Variants in ADAMTS17 observed in about 807,000 individuals in gnomAD.
ADAMTS17 encodes ADAM metallopeptidase with thrombospondin type 1 motif 17.
In ADAMTS17, 113 loss-of-function variants were observed where a neutral mutation model predicts 141.5. The observed-to-expected ratio is 0.80, with a 90% CI of 0.69 to 0.93. ADAMTS17 has a LOEUF of 0.93. ADAMTS17 is among the 40% of genes least tolerant of loss of function. The probability of loss-of-function intolerance (pLI) is 0.00; values close to 1 mark genes in which losing one functional copy is unlikely to be tolerated. For missense variants in ADAMTS17, 1,659 were observed against 1,517.9 expected (o/e 1.09, Z -1.54); for synonymous variants, 768 against 630.6 (o/e 1.22, Z -3.27).
At chr15:100,078,935 T>C (rs1399876635) in intron 15 of ADAMTS17, among the ~76,000 whole-genome samples, 1 of 152,188 alleles carries the variant, frequency 6.6e-6, no homozygotes, top group African/African-American at 2.4e-5. Context: ...AAAAAAGATA[T>C]ATGAACAATC....
chr15:100,104,076 T>G (rs1366185168), intron 14 of ADAMTS17, among the ~76,000 whole-genome samples: 1 of 152,200 alleles, frequency 6.6e-6, no homozygotes, highest in Non-Finnish European at 1.5e-5. Flanking sequence ...GCTACAGGTG[T>G]GCACAAACCA....
intron 3 of ADAMTS17, among the ~76,000 whole-genome samples, chr15:100,318,720 T>A (rs2045640203): frequency 6.6e-6 from 1 of 152,000 alleles, no homozygotes. Context: ...TCCAGAAAGG[T>A]GAAGAAATCT....
intron 6 of ADAMTS17, among the ~76,000 whole-genome samples, chr15:100,258,609 C>T (rs1031016238): frequency 6.6e-6 from 1 of 152,082 alleles, no homozygotes; most frequent in Admixed American, 6.5e-5. Flanking sequence ...TCTTGTGAGA[C>T]TTCTTCACGA....
chr15:100,163,632 C>T (rs934874948), intron 8 of ADAMTS17, among the ~76,000 whole-genome samples: 2 of 152,190 alleles, frequency 1.3e-5, no homozygotes, highest in African/African-American at 4.8e-5. Context: ...ATTACAGGTG[C>T]ACGCCACCAC....
intron 13 of ADAMTS17, among the ~76,000 whole-genome samples, chr15:100,112,969 G>C (rs1024383187): frequency 6.6e-6 from 1 of 152,186 alleles, no homozygotes; most frequent in Non-Finnish European, 1.5e-5. Flanking sequence ...GCAGTTAGAA[G>C]GTCTTAGTAT....
chr15:100,070,791 G>C lies in ADAMTS17; in HGVS notation c.2138-16737C>G, dbSNP rs564967613. Among the ~76,000 whole-genome samples, 951 of 149,270 alleles carry C rather than the reference G, an allele frequency of 6.4e-3. 60 individuals carry two copies. The highest frequency in any genetic ancestry group is 0.023 in the African/African-American group (912 of 40,320). On this transcript the variant is annotated intron_variant, in intron 15 of 21. Coordinates refer to ENST00000268070, the MANE Select transcript of ADAMTS17 (RefSeq NM_139057.4). The stretch of plus-strand genomic sequence containing the variant: ...ACTAAATGCCCACAAGAGAAAGCAG[G>C]AAAGATCTAAAATTGACACCCTAAC...
rs560853684 is a variant in ADAMTS17, at chr15:99,977,310, G to C, written c.2950-1088C>G. ...CCCCAAATTCCCAAGGAGTGGACCCGGTTAAGACTTCGTGGTTCTGTTCTC... is the reference window on the plus strand; with the variant it reads ...CCCCAAATTCCCAAGGAGTGGACCCCGTTAAGACTTCGTGGTTCTGTTCTC... On this transcript the variant is annotated intron_variant, in intron 20 of 21. Transcript: ENST00000268070. Among the ~76,000 whole-genome samples the C allele has an allele frequency of 4.5e-3, 563 of 125,730 alleles. 7 individuals carry two copies. Among genetic ancestry groups the C allele is most frequent in the African/African-American group, 0.017 (528 of 31,808 alleles). 82.5% of individuals were successfully genotyped at this position (125,730 alleles called of 152,430 possible). A position where few individuals can be genotyped will look rare whatever the true frequency, so the allele number is the denominator to read the frequency against.
At chr15:100,077,612 G>A (rs549741385) in intron 15 of ADAMTS17, among the ~76,000 whole-genome samples, 1 of 152,270 alleles carries the variant, frequency 6.6e-6, no homozygotes, top group South Asian at 2.1e-4. Context: ...ATAGAAGGGA[G>A]CATGCTCAAC....
chr15:100,095,899 C>A (rs973214487), intron 15 of ADAMTS17, among the ~76,000 whole-genome samples: 1 of 152,228 alleles, frequency 6.6e-6, no homozygotes, highest in Non-Finnish European at 1.5e-5. Flanking sequence ...GCAGTGGCAC[C>A]TGAGACCTTC....
chr15:100,319,042 A>T (rs1467831618), intron 3 of ADAMTS17, among the ~76,000 whole-genome samples: 1 of 152,276 alleles, frequency 6.6e-6, no homozygotes, highest in Non-Finnish European at 1.5e-5. Context: ...TGAAGGAGAG[A>T]TGACATGTGC....
At chr15:100,186,900 T>A (rs564370057) in intron 8 of ADAMTS17, among the ~76,000 whole-genome samples, 1 of 152,264 alleles carries the variant, frequency 6.6e-6, no homozygotes, top group Non-Finnish European at 1.5e-5. Flanking sequence ...TAAGTTGAAA[T>A]GTATGCCATT....
chr15:100,300,352 T>A (rs1231511118), intron 3 of ADAMTS17, among the ~76,000 whole-genome samples: 1 of 152,142 alleles, frequency 6.6e-6, no homozygotes, highest in Non-Finnish European at 1.5e-5. Context: ...TGGCATTCTT[T>A]CCCAAAGAAT....
chr15:99,977,278 C>T (rs1277241691), intron 20 of ADAMTS17, among the ~76,000 whole-genome samples: 1 of 143,852 alleles, frequency 7.0e-6, no homozygotes, highest in Admixed American at 7.2e-5. Flanking sequence ...CATAGTTGAG[C>T]AGAGGCCCCC....
rs761666524 is a variant in ADAMTS17 at position 100,051,625 on chromosome 15, A to G, written c.2402T>C (p.Leu801Ser). The G allele has an allele frequency of 8.7e-6, 14 of 1,614,046 alleles. No homozygotes were observed. Among genetic ancestry groups the G allele is most frequent in the Middle Eastern group, 1.6e-4 (1 of 6,078 alleles). ...CCAGCCGCTGTGGGTCCAGATGAAC[A>G]AAGAGTCCTGCGGTTTTTCTGGTTC... ...QSEPEKPQDSLFIWTHSGWEG... is the reference protein window; with the variant it reads ...QSEPEKPQDSSFIWTHSGWEG... Residue 801 changes from leucine to serine, a missense_variant, in exon 17 of 22, where the codon TTG (leucine) becomes TCG (serine). Leu to Ser is a moderately radical substitution (Grantham distance 145). Coordinates refer to ENST00000268070, the MANE Select transcript of ADAMTS17 (RefSeq NM_139057.4).
chr15:100,006,337 C>A (rs917908273), intron 18 of ADAMTS17, among the ~76,000 whole-genome samples: 1 of 152,170 alleles, frequency 6.6e-6, no homozygotes, highest in Non-Finnish European at 1.5e-5. Flanking sequence ...ACTGCATTCC[C>A]AATTCTGAAA....
intron 8 of ADAMTS17, among the ~76,000 whole-genome samples, chr15:100,188,503 T>C (rs568529822): frequency 2.3e-4 from 35 of 152,202 alleles, no homozygotes; most frequent in Non-Finnish European, 5.0e-4. Context: ...CTTCCTTCCA[T>C]ATTCTACGTG....
chr15:100,297,043 G>C (rs1596471093), intron 3 of ADAMTS17, among the ~76,000 whole-genome samples: 3 of 152,156 alleles, frequency 2.0e-5, no homozygotes, highest in East Asian at 3.8e-4. Flanking sequence ...ATTTACCCTG[G>C]GGGTTCAAGA....
At chr15:100,151,474 C>T (rs2039162076) in intron 10 of ADAMTS17, among the ~76,000 whole-genome samples, 1 of 152,206 alleles carries the variant, frequency 6.6e-6, no homozygotes, top group Non-Finnish European at 1.5e-5. Context: ...TGGAGGCAGC[C>T]TGCATGTGCC....
At chr15:100,185,025 C>T (rs576871072) in intron 8 of ADAMTS17, among the ~76,000 whole-genome samples, 2 of 152,326 alleles carry the variant, frequency 1.3e-5, no homozygotes, top group Admixed American at 6.5e-5. Context: ...AGAGCGCCTG[C>T]CTCCTCCCTG....
Sources: gnomAD v4.1 joint callset for allele counts (sites outside exome capture counted in the v4.1 genomes callset) on GRCh38, gnomAD v4.1.1 for gene constraint, MANE v1.5 for transcripts, NCBI Gene and HGNC (gene_info 2026-07-23, HGNC 2026-07-21) for gene names.